Variants in MTMR8 observed in about 807,000 individuals in gnomAD.
MTMR8 encodes myotubularin related protein 8, also known as phosphatidylinositol-3,5-bisphosphate 3-phosphatase MTMR8.
Under a neutral mutation model 39.3 loss-of-function variants are expected in MTMR8, and 65 were observed. That is an observed-to-expected ratio of 1.65 (90% CI 1.35 to 2.03). The LOEUF (loss-of-function observed/expected upper bound fraction) is 2.03. Ranked by LOEUF, MTMR8 falls within the 30% of genes most tolerant of loss-of-function variation. The probability of loss-of-function intolerance (pLI) is 0.00; values close to 1 mark genes in which losing one functional copy is unlikely to be tolerated. For missense variants in MTMR8, 777 were observed against 538.9 expected, an observed-to-expected ratio of 1.44 and a Z score of -4.37; for synonymous variants, 245 against 185.2, an observed-to-expected ratio of 1.32 and a Z score of -2.62.
chrX:64,279,545 T>C (rs1199166762), intron 12 of MTMR8, among the ~76,000 whole-genome samples: 3 of 112,345 alleles, frequency 2.7e-5, no homozygotes, highest in Non-Finnish European at 5.6e-5. Context: ...ATTGTTACGA[T>C]GTCAATACTA....
intron 1 of MTMR8, among the ~76,000 whole-genome samples, chrX:64,383,284 G>A (rs1481115505): frequency 9.1e-6 from 1 of 109,342 alleles, no homozygotes; most frequent in African/African-American, 3.3e-5. Flanking sequence ...CCTTGCTGGA[G>A]GCATATAAAT....
At chrX:64,339,961 C>A (rs1331362576) in intron 8 of MTMR8, among the ~76,000 whole-genome samples, 1 of 111,636 alleles carries the variant, frequency 9.0e-6, no homozygotes, top group Non-Finnish European at 1.9e-5. Context: ...GGGAGCCAAC[C>A]AAAAACACAT....
chrX:64,296,563 C>G (rs1921592708), intron 12 of MTMR8, among the ~76,000 whole-genome samples: 1 of 103,026 alleles, frequency 9.7e-6, no homozygotes, highest in African/African-American at 3.9e-5. Context: ...TGTATATGGA[C>G]CCTATGCTGG....
At chrX:64,358,151 T>C (rs1923676778) in intron 2 of MTMR8, among the ~76,000 whole-genome samples, 1 of 111,750 alleles carries the variant, frequency 8.9e-6, no homozygotes, top group African/African-American at 3.3e-5. Flanking sequence ...ACTGTTAGAA[T>C]TACAAGAATC....
At chrX:64,364,966 C>T (rs1262083358) in intron 1 of MTMR8, among the ~76,000 whole-genome samples, 1 of 111,479 alleles carries the variant, frequency 9.0e-6, no homozygotes, top group East Asian at 2.8e-4. Context: ...ATGATGCATG[C>T]ACAAGCTTCA....
At chrX:64,271,955 T>A (rs1931771157) in intron 12 of MTMR8, among the ~76,000 whole-genome samples, 1 of 112,194 alleles carries the variant, frequency 8.9e-6, no homozygotes, top group Admixed American at 9.5e-5. Context: ...ACCAAGGGAA[T>A]GGCTTTTGTG....
In MTMR8 at chrX:64,343,733, A is replaced by G; in HGVS notation, c.866-13T>C. 1 of 1,097,650 alleles carries G rather than the reference A, an allele frequency of 9.1e-7. No homozygotes were observed. The highest frequency in any genetic ancestry group is 1.3e-6 in the Non-Finnish European group (1 of 797,346). 90.5% of individuals were successfully genotyped at this position (1,097,650 alleles called of 1,213,427 possible). The stretch of plus-strand genomic sequence containing the variant: ...TTCAATTCACAAACTAAGGTAGAAA[A>G]GGAAGCAGAGATTGAAATTCACAAT... On this transcript the variant is annotated splice_polypyrimidine_tract_variant and intron_variant, in intron 7 of 13. Coordinates refer to ENST00000374852, the MANE Select transcript of MTMR8 (RefSeq NM_017677.4).
chrX:64,275,339 G>A (rs1350379643), intron 12 of MTMR8, among the ~76,000 whole-genome samples: 1 of 110,684 alleles, frequency 9.0e-6, no homozygotes, highest in East Asian at 2.8e-4. Context: ...CAAAGGTAGT[G>A]GAGGAAGGAA....
At chrX:64,383,157 A>G (rs1924475008) in intron 1 of MTMR8, among the ~76,000 whole-genome samples, 2 of 111,302 alleles carry the variant, frequency 1.8e-5, no homozygotes, top group Non-Finnish European at 3.8e-5. Context: ...ATCTCTTTTG[A>G]TCACCTGCCC....
At chrX:64,308,249 G>A (rs1359588337) in intron 12 of MTMR8, among the ~76,000 whole-genome samples, 1 of 108,361 alleles carries the variant, frequency 9.2e-6, no homozygotes, top group Non-Finnish European at 1.9e-5. Context: ...TTGAGACAGA[G>A]TCTCACGCCA....
intron 4 of MTMR8, among the ~76,000 whole-genome samples, chrX:64,351,675 G>T (rs1334639761): frequency 9.0e-6 from 1 of 111,606 alleles, no homozygotes; most frequent in Non-Finnish European, 1.9e-5. Flanking sequence ...CCTTCAGTTT[G>T]TGGCTGAAGG....
intron 4 of MTMR8, among the ~76,000 whole-genome samples, chrX:64,353,253 C>A (rs1436240179): frequency 9.0e-6 from 1 of 111,706 alleles, no homozygotes; most frequent in South Asian, 3.7e-4. Flanking sequence ...AATGGGTTAA[C>A]ACTGAGCCAA....
chrX:64,304,939 CAT>C (rs1413854566), intron 12 of MTMR8: 2 of 79,330 alleles, frequency 2.5e-5, no homozygotes, highest in Non-Finnish European at 5.1e-5. Flanking sequence ...CATATACACA[CAT>C]ATATGTATAA....
intron 10 of MTMR8, among the ~76,000 whole-genome samples, chrX:64,334,287 C>T (rs1923017072): frequency 9.1e-6 from 1 of 110,175 alleles, no homozygotes; most frequent in African/African-American, 3.3e-5. Flanking sequence ...AACCCAGCTA[C>T]CTCAGGCAGA....
chrX:64,274,408 C>CA (rs1462310555), intron 12 of MTMR8, among the ~76,000 whole-genome samples: 1 of 111,944 alleles, frequency 8.9e-6, no homozygotes, highest in Non-Finnish European at 1.9e-5. Context: ...TATCTTGAAA[C>CA]AAACAAAACC....
intron 12 of MTMR8, among the ~76,000 whole-genome samples, chrX:64,296,138 T>G (rs144902357): frequency 0.011 from 1,215 of 112,115 alleles, 52 homozygotes; most frequent in Admixed American, 0.089. Flanking sequence ...AGGAATGAAG[T>G]TCTGATACAT....
chrX:64,343,462 G>T, intron 8 of MTMR8, 149 bp downstream of exon 8: 1 of 396,790 alleles, frequency 2.5e-6, no homozygotes. Flanking sequence ...GAAGAAAAGA[G>T]ACTTGCCCAA....
chrX:64,385,678 G>C (rs1408577456), intron 1 of MTMR8, among the ~76,000 whole-genome samples: 1 of 110,939 alleles, frequency 9.0e-6, no homozygotes, highest in Non-Finnish European at 1.9e-5. Flanking sequence ...CAAGAGCAAG[G>C]GTAGGCGGTG....
At chrX:64,345,225 G>T in intron 6 of MTMR8, 48 bp from the exon 7 acceptor site, 1 of 1,158,126 alleles carries the variant, frequency 8.6e-7, no homozygotes, top group Non-Finnish European at 1.2e-6. Context: ...GATGATGAAA[G>T]AATGGAGTTC....
Sources: allele counts gnomAD v4.1 joint callset (sites outside exome capture counted in the v4.1 genomes callset), GRCh38; gene constraint gnomAD v4.1.1; transcripts MANE v1.5; gene names NCBI Gene and HGNC (gene_info 2026-07-23, HGNC 2026-07-21).